Variants in DCLK2 observed in about 807,000 individuals in gnomAD.
The protein encoded by DCLK2 is serine/threonine-protein kinase DCLK2.
A neutral mutation model predicts 78.4 loss-of-function variants in DCLK2; 31 were observed. The ratio of observed to expected loss-of-function variants is 0.40; its 90% confidence interval spans 0.30 to 0.53. The LOEUF is 0.53. Among genes scored for constraint, DCLK2 ranks in the 20% least tolerant of loss-of-function variants. The pLI is 0.61. For synonymous variants in DCLK2, 407 were observed against 374.9 expected (o/e 1.09, Z -0.99); for missense variants, 872 against 973.7 (o/e 0.90, Z 1.39).
chr4:150,108,468 C>T (rs1296767457), intron 2 of DCLK2, among the ~76,000 whole-genome samples: 1 of 151,854 alleles, frequency 6.6e-6, no homozygotes, highest in African/African-American at 2.4e-5. Flanking sequence ...GGCATGAACC[C>T]AGGAGGCGGA....
intron 5 of DCLK2, among the ~76,000 whole-genome samples, chr4:150,219,218 G>T (rs1286663059): frequency 6.8e-6 from 1 of 146,664 alleles, no homozygotes; most frequent in Non-Finnish European, 1.5e-5. Flanking sequence ...TTAGCAAAAG[G>T]TCTCTTATGG....
At chr4:150,250,108 C>T (rs1008840499) in intron 15 of DCLK2, among the ~76,000 whole-genome samples, 1 of 152,096 alleles carries the variant, frequency 6.6e-6, no homozygotes, top group Non-Finnish European at 1.5e-5. Flanking sequence ...ACAGCCAAAG[C>T]TAAACATATT....
At position 150,217,752 on chromosome 4, in the gene DCLK2, C is replaced by T. The variant is rs1429787040; in HGVS notation, c.1057-2951C>T. 1.4e-4 allele frequency among the ~76,000 whole-genome samples: 21 copies of T among 152,116 alleles called. No individual in the cohort carries two copies. In the East Asian group the frequency reaches 4.1e-3, roughly 29 times the overall value. On this transcript the variant is annotated intron_variant, in intron 5 of 15. Coordinates refer to ENST00000296550, the MANE Select transcript of DCLK2 (RefSeq NM_001040260.4). ...TCAGCTGCACTATAATAAAACTATC[C>T]CCTTTATTTTTTCATGCTTTTTTCT... is the stretch of plus-strand genomic sequence containing the variant.
intron 1 of DCLK2, among the ~76,000 whole-genome samples, chr4:150,085,272 C>T (rs1729561428): frequency 6.6e-6 from 1 of 152,110 alleles, no homozygotes; most frequent in Non-Finnish European, 1.5e-5. Flanking sequence ...GGTTCATTTT[C>T]TCTTGCTATA....
intron 15 of DCLK2, 111 bp downstream of exon 15, chr4:150,249,795 T>G (rs1333516761): frequency 2.3e-6 from 2 of 857,510 alleles, no homozygotes; most frequent in Non-Finnish European, 3.9e-6. Context: ...CGTAGTCCTA[T>G]TTCATATGAA....
At chr4:150,188,885 A>G (rs1417986699) in intron 2 of DCLK2, among the ~76,000 whole-genome samples, 2 of 143,452 alleles carry the variant, frequency 1.4e-5, no homozygotes, top group Non-Finnish European at 3.0e-5. Flanking sequence ...AGCCTGGGTG[A>G]CAGAGCGAGA....
chr4:150,116,376 C>A (rs1313844741), intron 2 of DCLK2, among the ~76,000 whole-genome samples: 1 of 152,194 alleles, frequency 6.6e-6, no homozygotes, highest in Admixed American at 6.5e-5. Flanking sequence ...CCTGCTGAGC[C>A]CGGCACTGCG....
Position 150,253,586 on chromosome 4 carries a change from G to A in DCLK2, c.2074-2434G>A, listed in dbSNP as rs534984513. On this transcript the variant is annotated intron_variant, in intron 15 of 15. Coordinates refer to ENST00000296550, the MANE Select transcript of DCLK2 (RefSeq NM_001040260.4). The stretch of plus-strand genomic sequence containing the variant: ...TCACCACGCTGCGTCCGACCAGCGC[G>A]CCCCATCCTCAGCCCCTCTCACGCC... 2.4e-5 allele frequency: 31 copies of A among 1,289,152 alleles called. No homozygotes were observed. The East Asian group carries it at 4.4e-4, about 18-fold the overall frequency. The allele number at this position is 1,289,152 out of a possible 1,614,324, so 79.9% of individuals were successfully genotyped here.
intron 2 of DCLK2, among the ~76,000 whole-genome samples, chr4:150,181,135 A>T (rs1025792958): frequency 6.6e-6 from 1 of 152,160 alleles, no homozygotes; most frequent in Non-Finnish European, 1.5e-5. Flanking sequence ...TTGGGTCTTC[A>T]TTGTGAGGGC....
At chr4:150,171,505 C>T (rs759881097) in intron 2 of DCLK2, among the ~76,000 whole-genome samples, 6 of 152,150 alleles carry the variant, frequency 3.9e-5, no homozygotes, top group Non-Finnish European at 8.8e-5. Context: ...TTTTAGTTGA[C>T]TAAGTTCAAT....
intron 7 of DCLK2, 39 bp from the exon 8 acceptor site, chr4:150,224,462 T>C (rs1741442922): frequency 1.9e-6 from 3 of 1,538,896 alleles, no homozygotes; most frequent in Admixed American, 2.1e-5. Context: ...TGGTATTTAA[T>C]TTATGTCTTT....
At chr4:150,221,591 A>G in intron 6 of DCLK2, 86 bp from the exon 7 acceptor site, 1 of 781,516 alleles carries the variant, frequency 1.3e-6, no homozygotes. Context: ...AAATAAATGC[A>G]TCGCAGTTTA....
chr4:150,191,414 T>C (rs1211774356), intron 2 of DCLK2, among the ~76,000 whole-genome samples: 1 of 151,868 alleles, frequency 6.6e-6, no homozygotes, highest in Non-Finnish European at 1.5e-5. Context: ...TCCAGGGCCA[T>C]GTCAGGAGTC....
At chr4:150,178,385 A>G (rs935433877) in intron 2 of DCLK2, among the ~76,000 whole-genome samples, 15 of 152,308 alleles carry the variant, frequency 9.8e-5, no homozygotes, top group African/African-American at 3.6e-4. Flanking sequence ...GCCAATATCA[A>G]TTTCACTTTT....
intron 2 of DCLK2, among the ~76,000 whole-genome samples, chr4:150,123,356 G>A (rs1732700188): frequency 6.6e-6 from 1 of 152,098 alleles, no homozygotes; most frequent in Admixed American, 6.6e-5. Context: ...AAATAGGGAG[G>A]CCCAAGGAGA....
At chr4:150,119,969 G>A (rs1245064981) in intron 2 of DCLK2, among the ~76,000 whole-genome samples, 2 of 152,072 alleles carry the variant, frequency 1.3e-5, no homozygotes, top group Non-Finnish European at 2.9e-5. Flanking sequence ...GTTAATTAAT[G>A]TTTTTGGTCA....
At chr4:150,236,511 G>T (rs1390763819) in intron 10 of DCLK2, among the ~76,000 whole-genome samples, 3 of 152,170 alleles carry the variant, frequency 2.0e-5, no homozygotes, top group Non-Finnish European at 4.4e-5. Context: ...ATCTTCGAAA[G>T]AATTTTGAAA....
chr4:150,136,386 A>T (rs1486181810), intron 2 of DCLK2, among the ~76,000 whole-genome samples: 1 of 152,174 alleles, frequency 6.6e-6, no homozygotes, highest in African/African-American at 2.4e-5. Context: ...GTGATCTGTG[A>T]TATCACCCAC....
intron 2 of DCLK2, among the ~76,000 whole-genome samples, chr4:150,138,280 T>G (rs1057345651): frequency 6.6e-6 from 1 of 152,180 alleles, no homozygotes; most frequent in Admixed American, 6.5e-5. Context: ...TTGTGCAAGG[T>G]AGGTAATCTA....
Sources: gnomAD v4.1 joint callset for allele counts (sites outside exome capture counted in the v4.1 genomes callset) on GRCh38, gnomAD v4.1.1 for gene constraint, MANE v1.5 for transcripts, NCBI Gene and HGNC (gene_info 2026-07-23, HGNC 2026-07-21) for gene names.